Variants in CAMK2D observed in about 807,000 individuals in gnomAD.
The protein encoded by CAMK2D is calcium/calmodulin dependent protein kinase II delta.
Under a neutral mutation model 84.0 loss-of-function variants are expected in CAMK2D, and 37 were observed. The ratio of observed to expected loss-of-function variants is 0.44; its 90% CI spans 0.34 to 0.58. The LOEUF is 0.58. Ranked by LOEUF, CAMK2D falls within the 20% of genes least tolerant of loss-of-function variation. The probability of loss-of-function intolerance (pLI) is 0.02; values close to 1 mark genes in which losing one functional copy is unlikely to be tolerated. For missense variants in CAMK2D, 448 were observed against 652.5 expected (o/e 0.69, Z 3.41); for synonymous variants, 202 against 212.5 (o/e 0.95, Z 0.43).
intron 6 of CAMK2D, 24 bp from the exon 7 acceptor site, chr4:113,537,467 G>C: frequency 7.4e-7 from 1 of 1,352,160 alleles, no homozygotes; most frequent in Non-Finnish European, 1.1e-6. Flanking sequence ...GAAAAAAAAA[G>C]AGACTGAAGT....
chr4:113,546,977 GTA>G (rs2098581400), intron 6 of CAMK2D, among the ~76,000 whole-genome samples: 1 of 152,106 alleles, frequency 6.6e-6, no homozygotes, highest in Non-Finnish European at 1.5e-5. Context: ...ATGAGAATAT[GTA>G]TATAGGGATA....
At chr4:113,706,504 T>C (rs530888656) in intron 2 of CAMK2D, among the ~76,000 whole-genome samples, 115 of 152,338 alleles carry the variant, frequency 7.5e-4, no homozygotes, top group South Asian at 3.9e-3. Flanking sequence ...ACTATGCTAG[T>C]AACTCCTAAG....
In CAMK2D at chr4:113,462,326, G is replaced by GTCTATCTA. The variant is rs1462001963; in HGVS notation, c.1212-2086_1212-2085insTAGATAGA. ...TGTCTGTCTGTCTGTCTGTCTGTCT[G>GTCTATCTA]TCTGTCTGTCTGTCTATCTATCTAT... On this transcript the variant is annotated intron_variant, in intron 17 of 20. Transcript: ENST00000511664. Among the ~76,000 whole-genome samples, 855 of 131,900 alleles carry GTCTATCTA rather than the reference G, an allele frequency of 6.5e-3. 5 individuals are homozygous for GTCTATCTA. The highest frequency in any genetic ancestry group is 0.01 in the African/African-American group (354 of 34,782). 86.5% of individuals were successfully genotyped at this position (131,900 alleles called of 152,430 possible). A position where few individuals can be genotyped will look rare whatever the true frequency, so the allele number is the denominator to read the frequency against.
At chr4:113,531,757 C>A (rs1590818774) in intron 7 of CAMK2D, among the ~76,000 whole-genome samples, 1 of 152,050 alleles carries the variant, frequency 6.6e-6, no homozygotes. Flanking sequence ...AGAGAAGATG[C>A]AGGAATATTC....
chr4:113,704,114 T>C (rs2099431902), intron 2 of CAMK2D, among the ~76,000 whole-genome samples: 1 of 152,066 alleles, frequency 6.6e-6, no homozygotes, highest in African/African-American at 2.4e-5. Context: ...CAGGGCCTTC[T>C]TTCCCATAGT....
intron 4 of CAMK2D, among the ~76,000 whole-genome samples, chr4:113,602,814 T>C (rs1233289664): frequency 1.3e-5 from 2 of 152,210 alleles, no homozygotes; most frequent in African/African-American, 4.8e-5. Context: ...TTCCTTAATC[T>C]TTCTCCTGTC....
In CAMK2D at chr4:113,695,309, A is replaced by G. The variant is rs2099399395; in HGVS notation, c.161-33537T>C. On this transcript the variant is annotated intron_variant, in intron 2 of 20. Coordinates refer to ENST00000511664, the MANE Select transcript of CAMK2D (RefSeq NM_001321571.2). ...ATTTCCTATTCAGTCTCAGTGATTC[A>G]AATACTGTATATTGACAAGCCTGAA... Among the ~76,000 whole-genome samples, 5 of 152,154 alleles carry G rather than the reference A, an allele frequency of 3.3e-5. No homozygotes were observed. The South Asian group carries it at 1.0e-3, about 32-fold the overall frequency.
intron 8 of CAMK2D, among the ~76,000 whole-genome samples, chr4:113,529,377 G>A (rs2098443174): frequency 6.6e-6 from 1 of 152,118 alleles, no homozygotes; most frequent in African/African-American, 2.4e-5. Context: ...ACTAAAACAA[G>A]TCTAAAAAAT....
chr4:113,648,325 TAAAAG>T (rs1254848931), intron 3 of CAMK2D, among the ~76,000 whole-genome samples: 2 of 152,218 alleles, frequency 1.3e-5, no homozygotes. Context: ...TATTGCTCCT[TAAAAG>T]AAGTCAAATT....
chr4:113,552,834 G>C (rs923066487), intron 4 of CAMK2D, among the ~76,000 whole-genome samples: 2 of 152,142 alleles, frequency 1.3e-5, no homozygotes, highest in Non-Finnish European at 2.9e-5. Context: ...AGAGCAGACA[G>C]GGCAAATCAC....
intron 2 of CAMK2D, among the ~76,000 whole-genome samples, chr4:113,747,075 T>C (rs10002455): frequency 0.12 from 18,674 of 150,442 alleles, 1,230 homozygotes; most frequent in Middle Eastern, 0.17. Context: ...AATAGCAAAA[T>C]CTTACATATT....
chr4:113,550,989 A>G (rs1349598252), intron 5 of CAMK2D, among the ~76,000 whole-genome samples: 1 of 152,182 alleles, frequency 6.6e-6, no homozygotes, highest in Non-Finnish European at 1.5e-5. Context: ...CCTTAATATC[A>G]GCTGGACATC....
intron 2 of CAMK2D, among the ~76,000 whole-genome samples, chr4:113,675,441 T>C (rs1358092212): frequency 6.6e-6 from 1 of 152,160 alleles, no homozygotes. Flanking sequence ...AAATGGAGAA[T>C]GATAAAAGTT....
chr4:113,684,371 T>C (rs2099353771), intron 2 of CAMK2D, among the ~76,000 whole-genome samples: 1 of 152,110 alleles, frequency 6.6e-6, no homozygotes, highest in Admixed American at 6.5e-5. Context: ...TATCTCCAAA[T>C]CTCTTAGGCA....
intron 4 of CAMK2D, among the ~76,000 whole-genome samples, chr4:113,591,646 T>C (rs2098885564): frequency 3.9e-5 from 6 of 152,332 alleles, no homozygotes; most frequent in South Asian, 2.1e-4. Flanking sequence ...CTTTGGAAAT[T>C]GCTCCCAGCT....
chr4:113,461,757 C>T (rs1422591040), intron 17 of CAMK2D, among the ~76,000 whole-genome samples: 2 of 152,160 alleles, frequency 1.3e-5, no homozygotes, highest in Non-Finnish European at 2.9e-5. Context: ...GATGGGGCCA[C>T]ATCTAATTTC....
chr4:113,621,371 T>A (rs1477899015), intron 3 of CAMK2D, among the ~76,000 whole-genome samples: 1 of 152,178 alleles, frequency 6.6e-6, no homozygotes, highest in Non-Finnish European at 1.5e-5. Context: ...AAAACACCCA[T>A]ATGACATTAA....
intron 4 of CAMK2D, among the ~76,000 whole-genome samples, chr4:113,563,531 C>T (rs1171690598): frequency 1.3e-5 from 2 of 152,182 alleles, no homozygotes; most frequent in Non-Finnish European, 2.9e-5. Context: ...AGGTACTGAA[C>T]CATTTTGCTG....
At chr4:113,625,119 A>T (rs2099062065) in intron 3 of CAMK2D, among the ~76,000 whole-genome samples, 1 of 152,200 alleles carries the variant, frequency 6.6e-6, no homozygotes, top group Admixed American at 6.6e-5. Context: ...CTTATCTTCT[A>T]GTTACATGTA....
Sources: allele counts gnomAD v4.1 joint callset (sites outside exome capture counted in the v4.1 genomes callset), GRCh38; gene constraint gnomAD v4.1.1; transcripts MANE v1.5; gene names NCBI Gene and HGNC (gene_info 2026-07-23, HGNC 2026-07-21).